Variants in NPAS2 observed in about 807,000 individuals in gnomAD.
NPAS2 encodes neuronal PAS domain-containing protein 2.
Under a neutral mutation model 107.5 loss-of-function variants are expected in NPAS2, and 23 were observed. The ratio of observed to expected loss-of-function variants is 0.21; its 90% confidence interval spans 0.15 to 0.30. The LOEUF (loss-of-function observed/expected upper bound fraction) is 0.30. Among genes scored for constraint, NPAS2 ranks in the 10% least tolerant of loss-of-function variants. The pLI, the probability that NPAS2 is intolerant of heterozygous loss-of-function variation, is 1.00. For missense variants in NPAS2, 756 were observed against 1,043.3 expected (o/e 0.72, Z 3.79); for synonymous variants, 403 against 417.5 (o/e 0.97, Z 0.42).
At chr2:100,979,494 ATATATATATTTTT>A (rs1169022643) in intron 15 of NPAS2, among the ~76,000 whole-genome samples, 1,857 of 74,146 alleles carry the variant, frequency 0.025, 11 homozygotes, top group Non-Finnish European at 0.035. Flanking sequence ...ATATATATAT[ATATATATATTTTT>A]TTTTTTTTTT....
intron 20 of NPAS2, chr2:100,995,199 G>A: frequency 2.9e-5 from 14 of 488,084 alleles, no homozygotes; most frequent in Admixed American, 7.4e-5. Flanking sequence ...CTTAGCTTCA[G>A]AATTCACCCT....
At chr2:100,956,100 C>T (rs1675551838) in intron 7 of NPAS2, among the ~76,000 whole-genome samples, 1 of 152,086 alleles carries the variant, frequency 6.6e-6, no homozygotes, top group Non-Finnish European at 1.5e-5. Flanking sequence ...GAGATGAGGT[C>T]TCACTGTGTT....
At chr2:100,953,897 C>T (rs1675392476) in intron 7 of NPAS2, among the ~76,000 whole-genome samples, 1 of 152,174 alleles carries the variant, frequency 6.6e-6, no homozygotes, top group African/African-American at 2.4e-5. Flanking sequence ...GAAGGGCACC[C>T]AAGATGTGTT....
At chr2:100,978,994 G>A (rs1266679662) in intron 15 of NPAS2, among the ~76,000 whole-genome samples, 1 of 152,220 alleles carries the variant, frequency 6.6e-6, no homozygotes, top group African/African-American at 2.4e-5. Flanking sequence ...CCACAGGCTA[G>A]AGCTGCGTCC....
intron 1 of NPAS2, among the ~76,000 whole-genome samples, chr2:100,854,646 A>C (rs949807033): frequency 6.6e-6 from 1 of 152,246 alleles, no homozygotes; most frequent in African/African-American, 2.4e-5. Flanking sequence ...AATTATGATT[A>C]GGAGGCCAGG....
intron 5 of NPAS2, among the ~76,000 whole-genome samples, chr2:100,943,525 G>A (rs1450484993): frequency 6.6e-6 from 1 of 152,214 alleles, no homozygotes; most frequent in East Asian, 1.9e-4. Flanking sequence ...GACACTGGAT[G>A]AGGCCAACAG....
At chr2:100,916,213 A>G (rs1176905971) in intron 2 of NPAS2, among the ~76,000 whole-genome samples, 1 of 152,218 alleles carries the variant, frequency 6.6e-6, no homozygotes, top group Non-Finnish European at 1.5e-5. Flanking sequence ...ACAAACAGAA[A>G]GCATGTTAAA....
At chr2:100,840,834 T>TA (rs1677353474) in intron 1 of NPAS2, among the ~76,000 whole-genome samples, 1 of 151,926 alleles carries the variant, frequency 6.6e-6, no homozygotes, top group African/African-American at 2.4e-5. Context: ...CATTTTTGTT[T>TA]AAAAAAATGG....
At chr2:100,825,630 C>T (rs1676327879) in intron 1 of NPAS2, among the ~76,000 whole-genome samples, 1 of 152,212 alleles carries the variant, frequency 6.6e-6, no homozygotes, top group African/African-American at 2.4e-5. Flanking sequence ...GCCACTCAAC[C>T]CTGGTGAGGG....
chr2:100,915,668 G>T (rs1186806729), intron 2 of NPAS2, among the ~76,000 whole-genome samples: 1 of 152,148 alleles, frequency 6.6e-6, no homozygotes, highest in Non-Finnish European at 1.5e-5. Context: ...AAAGAAAAGA[G>T]CTATTAACCC....
At chr2:100,954,825 G>A (rs1675468359) in intron 7 of NPAS2, among the ~76,000 whole-genome samples, 1 of 151,942 alleles carries the variant, frequency 6.6e-6, no homozygotes, top group East Asian at 1.9e-4. Flanking sequence ...GGTAATATGT[G>A]TAGAAGAAAA....
At chr2:100,854,734 C>T (rs1387934001) in intron 1 of NPAS2, among the ~76,000 whole-genome samples, 1 of 152,158 alleles carries the variant, frequency 6.6e-6, no homozygotes, top group South Asian at 2.1e-4. Context: ...CAGGAATCCA[C>T]AGGAAATAAA....
rs899147662 is a variant in NPAS2, at chr2:100,965,430, A to G, written c.801-230A>G. ...CCCAGTAGTGATAAAGCTTATTGTT[A>G]TTTGGGCCAAGTTATGCCAAGGGAA... On this transcript the variant is annotated intron_variant, in intron 9 of 20. Coordinates refer to ENST00000335681, the MANE Select transcript of NPAS2 (RefSeq NM_002518.4). The surrounding 1 kb of genome is among the most constrained non-coding windows in gnomAD (Gnocchi z 4.3). Among the ~76,000 whole-genome samples the G allele has an allele frequency of 1.3e-5, 2 of 151,692 alleles. No homozygotes were observed. Among genetic ancestry groups the G allele is most frequent in the Admixed American group, 1.3e-4 (2 of 15,222 alleles).
At chr2:100,865,270 C>T (rs1314521068) in intron 1 of NPAS2, among the ~76,000 whole-genome samples, 1 of 152,174 alleles carries the variant, frequency 6.6e-6, no homozygotes, top group Admixed American at 6.5e-5. Flanking sequence ...TGTTCTCTGT[C>T]CATGAAGTTG....
intron 1 of NPAS2, among the ~76,000 whole-genome samples, chr2:100,887,681 CTT>C (rs200266071): frequency 8.3e-5 from 12 of 145,000 alleles, no homozygotes; most frequent in Non-Finnish European, 1.1e-4. Flanking sequence ...TTTTCTTTTT[CTT>C]TTTTTTTTTT....
rs571288024 is a variant in NPAS2, at chr2:100,957,177, A to G, written c.599-6881A>G. Among the ~76,000 whole-genome samples, 13 of 152,358 alleles carry G rather than the reference A, an allele frequency of 8.5e-5. No individual in the cohort carries two copies. In the South Asian group the frequency reaches 1.7e-3, roughly 19 times the overall value. On this transcript the variant is annotated intron_variant, in intron 7 of 20. Transcript: ENST00000335681. ...AGATTTTTAATAAATGTGAAGAAAT[A>G]TGTGTCAGGAAATGGGACAAGAAAG...
chr2:100,948,206 G>A (rs773201017), intron 5 of NPAS2, 29 bp from the exon 6 acceptor site: 12 of 1,608,774 alleles, frequency 7.5e-6, no homozygotes, highest in Non-Finnish European at 1.0e-5. Flanking sequence ...CGTTGAGGGT[G>A]TACCTTTGTC....
At chr2:100,847,493 C>T (rs944283793) in intron 1 of NPAS2, among the ~76,000 whole-genome samples, 22 of 152,108 alleles carry the variant, frequency 1.4e-4, no homozygotes, top group African/African-American at 4.1e-4. Context: ...CCTCAGCCTC[C>T]GGAGTAGCTG....
At chr2:100,855,313 G>A (rs912653483) in intron 1 of NPAS2, among the ~76,000 whole-genome samples, 4 of 152,226 alleles carry the variant, frequency 2.6e-5, no homozygotes, top group Middle Eastern at 3.4e-3. Context: ...TTTGCCCTTC[G>A]TGATTCCTAG....
Sources: gnomAD v4.1 joint callset for allele counts (sites outside exome capture counted in the v4.1 genomes callset) on GRCh38, gnomAD v4.1.1 for gene constraint, Gnocchi (gnomAD v3.1) non-coding constraint, MANE v1.5 for transcripts, NCBI Gene and HGNC (gene_info 2026-07-23, HGNC 2026-07-21) for gene names.